The following XIRP2 variants were observed in gnomAD, a reference collection of about 807,000 sequenced individuals.
The protein encoded by XIRP2 is xin actin-binding repeat-containing protein 2.
XIRP2 carries 236 observed loss-of-function variants against 277.0 expected under a neutral mutation model. That is an observed-to-expected ratio of 0.85 (90% CI 0.77 to 0.95). The LOEUF is 0.95. Ranked by LOEUF, XIRP2 falls within the 40% of genes least tolerant of loss-of-function variation. The pLI is 0.00. For synonymous variants in XIRP2, 1,490 were observed against 1,416.5 expected (o/e 1.05, Z -1.17); for missense variants, 4,640 against 4,157.5 (o/e 1.12, Z -3.19).
At chr2:167,119,594 T>C (rs1425696189) in intron 2 of XIRP2, among the ~76,000 whole-genome samples, 1 of 152,196 alleles carries the variant, frequency 6.6e-6, no homozygotes, top group Non-Finnish European at 1.5e-5. Context: ...ATTGTGCTTC[T>C]TTGTCAAATT....
At chr2:167,183,151 C>G (rs1164958377) in intron 3 of XIRP2, among the ~76,000 whole-genome samples, 1 of 152,118 alleles carries the variant, frequency 6.6e-6, no homozygotes, top group East Asian at 1.9e-4. Context: ...AGTAGAAGGG[C>G]TTTGTATATG....
At chr2:167,181,858 C>T (rs1434392757) in intron 3 of XIRP2, among the ~76,000 whole-genome samples, 2 of 152,152 alleles carry the variant, frequency 1.3e-5, no homozygotes, top group African/African-American at 2.4e-5. Flanking sequence ...AGACGGTCCA[C>T]ATTTGGCTCA....
At chr2:167,229,559 G>T (rs1374338751) in intron 5 of XIRP2, among the ~76,000 whole-genome samples, 2 of 152,048 alleles carry the variant, frequency 1.3e-5, no homozygotes, top group Non-Finnish European at 2.9e-5. Context: ...GGTGCTTTTT[G>T]TTAGACTTGA....
intron 2 of XIRP2, among the ~76,000 whole-genome samples, chr2:167,123,499 CTTTTT>C (rs761118943): frequency 8.5e-5 from 12 of 141,018 alleles, no homozygotes; most frequent in African/African-American, 3.3e-4. Flanking sequence ...GAGAAAAAAA[CTTTTT>C]TTTGTTTTGT....
At chr2:166,897,969 A>G (rs1303191316) in intron 1 of XIRP2, among the ~76,000 whole-genome samples, 4 of 152,136 alleles carry the variant, frequency 2.6e-5, no homozygotes, top group Admixed American at 6.6e-5. Context: ...AGGGGCTTAT[A>G]GAATCAACAA....
At chr2:167,076,848 T>G (rs968157833) in intron 2 of XIRP2, among the ~76,000 whole-genome samples, 3 of 152,162 alleles carry the variant, frequency 2.0e-5, no homozygotes, top group Admixed American at 2.0e-4. Context: ...TGGGGGGATT[T>G]TGAGACAGGG....
intron 2 of XIRP2, among the ~76,000 whole-genome samples, chr2:166,967,355 T>C (rs1686461101): frequency 6.6e-6 from 1 of 151,888 alleles, no homozygotes; most frequent in East Asian, 1.9e-4. Flanking sequence ...TTCCTAAAAT[T>C]ATATTAAATA....
At chr2:167,101,698 TG>T (rs1676790545) in intron 2 of XIRP2, among the ~76,000 whole-genome samples, 1 of 152,204 alleles carries the variant, frequency 6.6e-6, no homozygotes, top group Admixed American at 6.5e-5. Flanking sequence ...TTATATGCTT[TG>T]GCTATGAGTG....
intron 2 of XIRP2, among the ~76,000 whole-genome samples, chr2:167,124,847 G>A (rs1691154572): frequency 6.6e-6 from 1 of 152,168 alleles, no homozygotes; most frequent in African/African-American, 2.4e-5. Context: ...AAACACTGGT[G>A]GAGAAGCAGA....
intron 1 of XIRP2, among the ~76,000 whole-genome samples, chr2:166,891,805 A>G (rs943410304): frequency 6.6e-6 from 1 of 152,208 alleles, no homozygotes; most frequent in Non-Finnish European, 1.5e-5. Context: ...TATTAGCATT[A>G]TAAACATAAT....
intron 2 of XIRP2, among the ~76,000 whole-genome samples, chr2:167,009,851 C>T (rs1264471106): frequency 1.3e-5 from 2 of 152,156 alleles, no homozygotes; most frequent in Non-Finnish European, 2.9e-5. Context: ...TTTTTGGCTG[C>T]ATAAATGTCT....
At chr2:167,049,525 A>T (rs1688867377) in intron 2 of XIRP2, among the ~76,000 whole-genome samples, 1 of 151,850 alleles carries the variant, frequency 6.6e-6, no homozygotes. Context: ...AAAAAACATA[A>T]TTAAGAAAAG....
chr2:167,159,143 CCG>C (rs1491580557), intron 3 of XIRP2, among the ~76,000 whole-genome samples: 1 of 152,106 alleles, frequency 6.6e-6, no homozygotes. Flanking sequence ...CCTTGGTATA[CCG>C]GGGGAGGAAC....
At chr2:166,906,204 A>G (rs1449228186) in intron 2 of XIRP2, among the ~76,000 whole-genome samples, 1 of 152,076 alleles carries the variant, frequency 6.6e-6, no homozygotes, top group Non-Finnish European at 1.5e-5. Context: ...ATAAGGAACA[A>G]TAAACTACAT....
chr2:166,928,891 C>T (rs1685256191), intron 2 of XIRP2, among the ~76,000 whole-genome samples: 1 of 152,102 alleles, frequency 6.6e-6, no homozygotes, highest in Non-Finnish European at 1.5e-5. Flanking sequence ...TAGCAGAGGA[C>T]TCCAGGGGGA....
At chr2:167,064,048 C>T (rs1689238769) in intron 2 of XIRP2, among the ~76,000 whole-genome samples, 1 of 151,296 alleles carries the variant, frequency 6.6e-6, no homozygotes, top group Non-Finnish European at 1.5e-5. Flanking sequence ...TTTAAGATAC[C>T]TTTTATGTTA....
At chr2:167,084,697 C>A (rs1042094427) in intron 2 of XIRP2, among the ~76,000 whole-genome samples, 35 of 152,180 alleles carry the variant, frequency 2.3e-4, no homozygotes, top group African/African-American at 7.7e-4. Flanking sequence ...GGAATTTATC[C>A]ATTTCTGCTA....
intron 3 of XIRP2, among the ~76,000 whole-genome samples, chr2:167,146,114 GTT>G (rs563958515): frequency 5.5e-5 from 8 of 146,510 alleles, no homozygotes; most frequent in African/African-American, 1.5e-4. Flanking sequence ...AAAATATTAA[GTT>G]TTTTTTTTTT....
intron 2 of XIRP2, among the ~76,000 whole-genome samples, chr2:167,109,021 C>A (rs971438261): frequency 6.6e-6 from 1 of 151,850 alleles, no homozygotes; most frequent in African/African-American, 2.4e-5. Context: ...TCCTTCCTCC[C>A]ACCCTCTACC....
Sources: gnomAD v4.1 joint callset for allele counts (sites outside exome capture counted in the v4.1 genomes callset) on GRCh38, gnomAD v4.1.1 for gene constraint, MANE v1.5 for transcripts, NCBI Gene and HGNC (gene_info 2026-07-23, HGNC 2026-07-21) for gene names.